ANK2: variants seen among roughly 807,000 people sequenced by gnomAD.
ANK2 encodes the protein ankyrin 2, also known as ankyrin-2.
A neutral mutation model predicts 360.5 loss-of-function variants in ANK2; 83 were observed. The observed-to-expected ratio is 0.23, with a 90% CI of 0.19 to 0.28. ANK2 has a LOEUF of 0.28. ANK2 is among the 10% of genes least tolerant of loss of function. ANK2 has a pLI of 1.00. For missense variants in ANK2, 4,201 were observed against 4,795.7 expected (o/e 0.88, Z 3.66); for synonymous variants, 1,740 against 1,759.5 (o/e 0.99, Z 0.28).
chr4:112,921,316 C>T (rs1278543500), intron 2 of ANK2, among the ~76,000 whole-genome samples: 3 of 151,566 alleles, frequency 2.0e-5, no homozygotes, highest in African/African-American at 7.3e-5. Context: ...TGAGCCACTG[C>T]ACCCGGCTGA....
chr4:112,888,818 A>G (rs2079121635), intron 1 of ANK2, among the ~76,000 whole-genome samples: 2 of 152,232 alleles, frequency 1.3e-5, no homozygotes, highest in Admixed American at 1.3e-4. Flanking sequence ...CAAACAGGGA[A>G]AGCAGTTGTC....
intron 2 of ANK2, among the ~76,000 whole-genome samples, chr4:112,956,267 C>G (rs562477568): frequency 1.3e-5 from 2 of 152,322 alleles, no homozygotes; most frequent in East Asian, 3.8e-4. Context: ...GACAGCACAA[C>G]TAGCACAAAT....
intron 17 of ANK2, among the ~76,000 whole-genome samples, chr4:113,280,199 G>T (rs1221804913): frequency 2.0e-5 from 3 of 152,048 alleles, no homozygotes; most frequent in African/African-American, 7.2e-5. Context: ...GGTACTCAAT[G>T]GGAGGTAAAA....
the ANK2 span, among the ~76,000 whole-genome samples, chr4:112,751,885 C>T: frequency 6.6e-6 from 1 of 152,118 alleles, no homozygotes; most frequent in Non-Finnish European, 1.5e-5. Context: ...TGTTGCAGCA[C>T]AGCTGGGAAA....
rs750957813 is a variant in ANK2, at chr4:113,363,302, G to A, written c.10757-36G>A. 4.4e-6 allele frequency: 7 copies of A among 1,606,626 alleles called. No individual in the cohort carries two copies. The East Asian group carries it at 1.6e-4, about 36-fold the overall frequency. On this transcript the variant is annotated intron_variant, in intron 39 of 45. Coordinates refer to ENST00000357077, the MANE Select transcript of ANK2 (RefSeq NM_001148.6). ...AAAATGTAGAGACTGAAACCTTGAA[G>A]TTAATGTGTTTACAAAGTAGTATTT...
chr4:113,321,628 T>C (rs2086319354), intron 26 of ANK2, among the ~76,000 whole-genome samples: 1 of 152,226 alleles, frequency 6.6e-6, no homozygotes. Context: ...TTATTCATTA[T>C]ACACCAGGTT....
chr4:113,046,782 A>G (rs149111743), upstream of ANK2, among the ~76,000 whole-genome samples: 159 of 152,350 alleles, frequency 1.0e-3, no homozygotes, highest in African/African-American at 3.5e-3. Flanking sequence ...GCAGACTGTC[A>G]AATTGAGAAG....
At chr4:113,226,266 G>A (rs766756900) in intron 4 of ANK2, among the ~76,000 whole-genome samples, 1 of 152,030 alleles carries the variant, frequency 6.6e-6, no homozygotes, top group African/African-American at 2.4e-5. Context: ...CCAATTCCTC[G>A]CAAGGCTTTC....
chr4:112,944,328 AGTGAATTTT>A (rs2094425395), intron 2 of ANK2, among the ~76,000 whole-genome samples: 2 of 152,218 alleles, frequency 1.3e-5, no homozygotes, highest in South Asian at 4.1e-4. Flanking sequence ...AAGCAGAGGA[AGTGAATTTT>A]GCAGTTGACA....
upstream of ANK2, among the ~76,000 whole-genome samples, chr4:113,047,811 C>T (rs1011157536): frequency 6.6e-6 from 1 of 151,900 alleles, no homozygotes; most frequent in Non-Finnish European, 1.5e-5. Flanking sequence ...GAGTGAGGGG[C>T]AGCAAAACAG....
intron 21 of ANK2, chr4:113,292,836 A>G (rs537131690): frequency 9.8e-6 from 4 of 409,058 alleles, no homozygotes; most frequent in East Asian, 1.1e-4. Context: ...TCGCCTTCTT[A>G]AGGGAGCACA....
chr4:112,868,073 C>A (rs1178960713), intron 1 of ANK2, among the ~76,000 whole-genome samples: 1 of 152,098 alleles, frequency 6.6e-6, no homozygotes, highest in African/African-American at 2.4e-5. Flanking sequence ...TTGTTATTAT[C>A]TGACATTTTG....
At chr4:112,844,446 T>C (rs1182280032) in intron 1 of ANK2, among the ~76,000 whole-genome samples, 1 of 152,224 alleles carries the variant, frequency 6.6e-6, no homozygotes, top group Non-Finnish European at 1.5e-5. Context: ...GTACCCCTCA[T>C]GAGGCCTGGC....
At chr4:113,240,931 A>G (rs1246604122) in intron 8 of ANK2, among the ~76,000 whole-genome samples, 2 of 152,220 alleles carry the variant, frequency 1.3e-5, no homozygotes, top group Non-Finnish European at 2.9e-5. Flanking sequence ...AAAATATATA[A>G]GTAGCATGTC....
the ANK2 span, among the ~76,000 whole-genome samples, chr4:112,710,800 T>G: frequency 2.0e-3 from 309 of 151,794 alleles, 2 homozygotes; most frequent in African/African-American, 6.5e-3. Context: ...AAGCTTTCAG[T>G]TACCTTTTGC....
intron 36 of ANK2, 116 bp from the exon 37 acceptor site, chr4:113,350,112 A>G (rs1342879099): frequency 5.3e-5 from 47 of 890,204 alleles, no homozygotes; most frequent in Non-Finnish European, 8.0e-5. Context: ...TGACCTTCCT[A>G]TAGCTATGGT....
chr4:113,018,372 T>C (rs2057199665), intron 2 of ANK2, among the ~76,000 whole-genome samples: 1 of 152,228 alleles, frequency 6.6e-6, no homozygotes, highest in South Asian at 2.1e-4. Context: ...TTTACTTTGG[T>C]AGCAAAATCT....
At chr4:112,929,711 T>C (rs2092969675) in intron 2 of ANK2, among the ~76,000 whole-genome samples, 1 of 152,216 alleles carries the variant, frequency 6.6e-6, no homozygotes, top group East Asian at 1.9e-4. Flanking sequence ...TGATTGTTCT[T>C]GCATCCAGAG....
chr4:113,121,867 C>G (rs1045386653), intron 1 of ANK2, among the ~76,000 whole-genome samples: 1 of 151,932 alleles, frequency 6.6e-6, no homozygotes, highest in Non-Finnish European at 1.5e-5. Flanking sequence ...AATCTCCCCC[C>G]CCACCACATT....
Sources: gnomAD v4.1 joint callset for allele counts (sites outside exome capture counted in the v4.1 genomes callset) on GRCh38, gnomAD v4.1.1 for gene constraint, MANE v1.5 for transcripts, NCBI Gene and HGNC (gene_info 2026-07-23, HGNC 2026-07-21) for gene names.